DCAF5: variants seen among roughly 807,000 people sequenced by gnomAD.
The protein encoded by DCAF5 is DDB1 and CUL4 associated factor 5.
In DCAF5, 9 loss-of-function variants were observed where a neutral mutation model predicts 80.7. The observed-to-expected ratio is 0.11, with a 90% CI of 0.07 to 0.19. DCAF5 has a LOEUF of 0.19. DCAF5 is among the 10% of genes least tolerant of loss of function. DCAF5 has a pLI of 1.00. For synonymous variants in DCAF5, 433 were observed against 461.9 expected, an observed-to-expected ratio of 0.94 and a Z score of 0.80; for missense variants, 842 against 1,205.7, an observed-to-expected ratio of 0.70 and a Z score of 4.47.
In DCAF5 at chr14:69,118,337, C is replaced by T; in HGVS notation, c.396-59G>A. The T allele has an allele frequency of 1.3e-6, 2 of 1,527,338 alleles. No individual in the cohort carries two copies. The highest frequency in any genetic ancestry group is 2.6e-5 in the South Asian group (2 of 77,588). 94.6% of individuals were successfully genotyped at this position (1,527,338 alleles called of 1,614,324 possible). On this transcript the variant is annotated intron_variant, in intron 3 of 8. Transcript: ENST00000341516. The surrounding 1 kb of genome is among the most constrained non-coding windows in gnomAD (Gnocchi z 4.0). ...CATACACACAAGCATAGTGCAGAGT[C>T]CCAGCACTTTGGTACCGAGGGTGCC...
intron 5 of DCAF5, among the ~76,000 whole-genome samples, chr14:69,110,764 G>A (rs1031301284): frequency 2.0e-5 from 3 of 151,040 alleles, no homozygotes; most frequent in Non-Finnish European, 4.4e-5. Flanking sequence ...TGTGGTCTCA[G>A]CTACTTGGGA....
chr14:69,125,492 A>G (rs1275405), intron 1 of DCAF5, among the ~76,000 whole-genome samples: 37,115 of 152,194 alleles, frequency 0.24, 5,875 homozygotes, highest in Middle Eastern at 0.43. Flanking sequence ...CATTCAGAAA[A>G]GGAAACCCAA....
At chr14:69,148,048 A>G (rs1304886445) in intron 1 of DCAF5, among the ~76,000 whole-genome samples, 2 of 150,938 alleles carry the variant, frequency 1.3e-5, no homozygotes, top group Non-Finnish European at 2.9e-5. Flanking sequence ...GCACATAGAG[A>G]TACATTCTGA....
At chr14:69,063,790 CAT>C (rs1319049352) in intron 7 of DCAF5, among the ~76,000 whole-genome samples, 2 of 152,168 alleles carry the variant, frequency 1.3e-5, no homozygotes, top group East Asian at 3.8e-4. Context: ...TTGCCACGTA[CAT>C]ATCTTTTTTA....
At chr14:69,095,851 C>G (rs1297979407) in intron 5 of DCAF5, among the ~76,000 whole-genome samples, 1 of 152,132 alleles carries the variant, frequency 6.6e-6, no homozygotes, top group Non-Finnish European at 1.5e-5. Flanking sequence ...TGAATTTCCT[C>G]ATTGTTTCCA....
chr14:69,069,486 G>A (rs911991088), intron 7 of DCAF5, among the ~76,000 whole-genome samples: 9 of 152,122 alleles, frequency 5.9e-5, no homozygotes, highest in Admixed American at 6.5e-5. Flanking sequence ...TTGTAGACAC[G>A]GAGTCTCATT....
At position 69,055,063 on chromosome 14, in the gene DCAF5, T is replaced by C; in HGVS notation, c.1623A>G (p.Glu541=). 1 of 1,614,240 alleles carries C rather than the reference T, an allele frequency of 6.2e-7. No individual in the cohort carries two copies. Among genetic ancestry groups the C allele is most frequent in the Non-Finnish European group, 8.5e-7 (1 of 1,180,046 alleles). The part of the protein sequence containing the change: ...SDSEENVCEV[E]LDTDLFPRPR... ...GCCGGGGAAAGAGATCTGTGTCTAGTTCCACCTCACAGACATTCTCCTCAG... is the reference window on the plus strand; with the variant it reads ...GCCGGGGAAAGAGATCTGTGTCTAGCTCCACCTCACAGACATTCTCCTCAG... The change falls in exon 9 of 9, where the codon GAA becomes GAG. Residue 541 remains glutamate, a synonymous_variant. Transcript: ENST00000341516. This position sits in a 1 kb window ranked among gnomAD's most constrained non-coding sequence, Gnocchi z 5.6.
chr14:69,121,690 C>A (rs1273931537), intron 2 of DCAF5, among the ~76,000 whole-genome samples: 1 of 152,062 alleles, frequency 6.6e-6, no homozygotes, highest in Non-Finnish European at 1.5e-5. Context: ...GAGGTCAGAA[C>A]TAGAAATGTG....
chr14:69,084,513 T>C, intron 6 of DCAF5: 3 of 766,806 alleles, frequency 3.9e-6, no homozygotes, highest in Non-Finnish European at 4.6e-6. Flanking sequence ...AGGATTTCTC[T>C]GAAAAAGGAG....
chr14:69,083,935 T>G (rs2039216147), intron 6 of DCAF5: 1 of 780,600 alleles, frequency 1.3e-6, no homozygotes, highest in Admixed American at 1.7e-5. Context: ...TGTAATCTTG[T>G]CAATGAAAAC....
At chr14:69,078,791 T>A (rs879332118) in intron 6 of DCAF5, among the ~76,000 whole-genome samples, 2 of 152,158 alleles carry the variant, frequency 1.3e-5, no homozygotes, top group East Asian at 3.9e-4. Context: ...AGAGTTTCAG[T>A]TTGAGATGAA....
At chr14:69,102,844 A>G (rs887776141) in intron 5 of DCAF5, among the ~76,000 whole-genome samples, 1 of 152,198 alleles carries the variant, frequency 6.6e-6, no homozygotes, top group African/African-American at 2.4e-5. Context: ...TAAGAAATAC[A>G]ATACAGTAAA....
At chr14:69,092,221 T>C (rs2039558170) in intron 5 of DCAF5, among the ~76,000 whole-genome samples, 1 of 152,172 alleles carries the variant, frequency 6.6e-6, no homozygotes, top group South Asian at 2.1e-4. Context: ...AGCATACTCG[T>C]CAAGACCCTG....
Position 69,053,191 on chromosome 14 carries a change from T to G in DCAF5, c.*666A>C, listed in dbSNP as rs2037816539. On this transcript the variant is annotated 3_prime_UTR_variant, in exon 9 of 9. Transcript: ENST00000341516. ...CTGATCTTAAGTGCTAAACCTCTCA[T>G]TAGCATTAAAAATTCTTTTTTATAG... 1 of 152,266 alleles carries G rather than the reference T, an allele frequency of 6.6e-6. No individual in the cohort carries two copies. The highest frequency in any genetic ancestry group is 2.4e-5 in the African/African-American group (1 of 41,466). The allele number at this position is 152,266 out of a possible 1,614,324, so 9.4% of individuals were successfully genotyped here. A position where few individuals can be genotyped will look rare whatever the true frequency, so the allele number is the denominator to read the frequency against.
chr14:69,134,373 G>C (rs2041129898), intron 1 of DCAF5, among the ~76,000 whole-genome samples: 1 of 152,192 alleles, frequency 6.6e-6, no homozygotes, highest in African/African-American at 2.4e-5. Flanking sequence ...TTCAAATGCT[G>C]TTTATAAGGA....
intron 1 of DCAF5, among the ~76,000 whole-genome samples, chr14:69,125,972 T>C (rs1040509492): frequency 6.6e-6 from 1 of 152,076 alleles, no homozygotes; most frequent in African/African-American, 2.4e-5. Context: ...TTTAGCAAGA[T>C]TGTGAGATAT....
intron 5 of DCAF5, among the ~76,000 whole-genome samples, chr14:69,107,890 T>C (rs1309681841): frequency 6.6e-6 from 1 of 152,242 alleles, no homozygotes. Context: ...TTCCAAGCAC[T>C]GTGCTAGGCA....
In DCAF5 at chr14:69,065,022, T is replaced by C. The variant is rs75971729; in HGVS notation, c.947-2511A>G. ...AGTAACTATCAGATCTAAAGACTAA[T>C]TGAAGGCTATCAATGCCTGAAAATT... On this transcript the variant is annotated intron_variant, in intron 7 of 8. Transcript: ENST00000341516. Among the ~76,000 whole-genome samples, 41 of 152,186 alleles carry C rather than the reference T, an allele frequency of 2.7e-4. 1 individual carries two copies. The East Asian group carries it at 6.8e-3, about 25-fold the overall frequency.
chr14:69,100,882 C>G (rs1374990734), intron 5 of DCAF5, among the ~76,000 whole-genome samples: 2 of 152,144 alleles, frequency 1.3e-5, no homozygotes, highest in Non-Finnish European at 1.5e-5. Flanking sequence ...AAGGTCAAAC[C>G]TGGAATTACA....
Sources: gnomAD v4.1 joint callset for allele counts (sites outside exome capture counted in the v4.1 genomes callset) on GRCh38, gnomAD v4.1.1 for gene constraint, Gnocchi (gnomAD v3.1) non-coding constraint, MANE v1.5 for transcripts, NCBI Gene and HGNC (gene_info 2026-07-23, HGNC 2026-07-21) for gene names.